The following EFCAB11 variants were observed in gnomAD, a reference collection of about 807,000 sequenced individuals.
The protein encoded by EFCAB11 is EF-hand calcium-binding domain-containing protein 11.
EFCAB11 carries 14 observed loss-of-function variants against 23.0 expected under a neutral mutation model. That is an observed-to-expected ratio of 0.61 (90% confidence interval 0.40 to 0.95). The LOEUF (loss-of-function observed/expected upper bound fraction) is 0.95, where lower values mean the gene tolerates loss of function less well. Ranked by LOEUF, EFCAB11 falls within the 40% of genes least tolerant of loss-of-function variation. The probability of loss-of-function intolerance (pLI) is 0.00; values close to 1 mark genes in which losing one functional copy is unlikely to be tolerated. For synonymous variants in EFCAB11, 65 were observed against 66.6 expected (o/e 0.98, Z 0.11); for missense variants, 198 against 195.8 (o/e 1.01, Z -0.07).
At chr14:89,894,028 G>A (rs924241514) in intron 5 of EFCAB11, among the ~76,000 whole-genome samples, 13 of 151,808 alleles carry the variant, frequency 8.6e-5, no homozygotes, top group Admixed American at 5.9e-4. Flanking sequence ...CGCCCAGGCT[G>A]GAGTGCAGTG....
intron 5 of EFCAB11, among the ~76,000 whole-genome samples, chr14:89,919,118 G>C (rs566697620): frequency 1.3e-5 from 2 of 151,984 alleles, no homozygotes; most frequent in Non-Finnish European, 2.9e-5. Context: ...GGCACCAGGG[G>C]ATCTAAGCAA....
intron 5 of EFCAB11, among the ~76,000 whole-genome samples, chr14:89,927,171 C>CT (rs1240534788): frequency 1.3e-5 from 2 of 152,110 alleles, no homozygotes; most frequent in Non-Finnish European, 2.9e-5. Context: ...GTCCAAGTCT[C>CT]TTTCTTTGGA....
At chr14:89,857,309 G>T (rs1213379036) in intron 5 of EFCAB11, among the ~76,000 whole-genome samples, 1 of 152,210 alleles carries the variant, frequency 6.6e-6, no homozygotes, top group African/African-American at 2.4e-5. Context: ...CCAGTCAAGT[G>T]GCAAACAGAT....
intron 5 of EFCAB11, among the ~76,000 whole-genome samples, chr14:89,841,286 C>T (rs1887255232): frequency 6.6e-6 from 1 of 152,082 alleles, no homozygotes; most frequent in Admixed American, 6.6e-5. Context: ...CTGGAACACC[C>T]CATTCTAACA....
chr14:89,854,902 G>T (rs1337730890), intron 5 of EFCAB11, among the ~76,000 whole-genome samples: 1 of 152,150 alleles, frequency 6.6e-6, no homozygotes, highest in Non-Finnish European at 1.5e-5. Context: ...TTGCATTGGG[G>T]CCTCTTAAGA....
At chr14:89,848,388 G>A (rs1038766764) in intron 5 of EFCAB11, 4 of 152,076 alleles carry the variant, frequency 2.6e-5, no homozygotes, top group Admixed American at 1.3e-4. Flanking sequence ...GTGTGCTGCA[G>A]AACTGGCTTG....
At chr14:89,856,507 T>G (rs915289981) in intron 5 of EFCAB11, among the ~76,000 whole-genome samples, 3 of 152,136 alleles carry the variant, frequency 2.0e-5, no homozygotes, top group African/African-American at 7.2e-5. Context: ...TCTTTAGAAA[T>G]CTCCATACTG....
At chr14:89,934,672 T>C (rs1009594256) in intron 3 of EFCAB11, among the ~76,000 whole-genome samples, 1 of 152,148 alleles carries the variant, frequency 6.6e-6, no homozygotes, top group East Asian at 1.9e-4. Flanking sequence ...TTGTGGGGAA[T>C]ACATATTGAT....
At chr14:89,822,180 G>T (rs1199401493) in intron 5 of EFCAB11, among the ~76,000 whole-genome samples, 3 of 152,114 alleles carry the variant, frequency 2.0e-5, no homozygotes, top group East Asian at 3.8e-4. Context: ...AACACTAACT[G>T]CACCTAAAGC....
chr14:89,818,809 C>T (rs535605446), intron 5 of EFCAB11, among the ~76,000 whole-genome samples: 2 of 152,258 alleles, frequency 1.3e-5, no homozygotes, highest in East Asian at 3.9e-4. Context: ...AAAATACTGA[C>T]TGAAACAACA....
rs565938004 is a variant in EFCAB11 at position 89,858,210 on chromosome 14, A to T, written c.411-60886T>A. ...CTCAAGCTGCCCTGATGACAGGGCC[A>T]TGTGGTAAGAAACTGAGGCCTCCTG... On this transcript the variant is annotated intron_variant, in intron 5 of 5. Transcript: ENST00000316738. Among the ~76,000 whole-genome samples, 8 of 152,336 alleles carry T rather than the reference A, an allele frequency of 5.3e-5. No homozygotes were observed. In the South Asian group the frequency reaches 1.7e-3, roughly 32 times the overall value.
chr14:89,923,521 A>C, intron 5 of EFCAB11: 1 of 227,446 alleles, frequency 4.4e-6, no homozygotes, highest in Non-Finnish European at 7.3e-6. Context: ...ATGAAATAAA[A>C]GTTGGGACCT....
At chr14:89,851,987 A>G (rs188310880) in intron 5 of EFCAB11, among the ~76,000 whole-genome samples, 1 of 152,352 alleles carries the variant, frequency 6.6e-6, no homozygotes, top group African/African-American at 2.4e-5. Context: ...TTGGAAATTT[A>G]AAAAGAAAAC....
rs887397694 is a variant in EFCAB11, at chr14:89,797,161, C to T, written c.*82G>A. ...TAAATGTTTAATCACAAGTCTGTAG[C>T]ATGACATCATTAGTAGAGTCGAGTC... On this transcript the variant is annotated 3_prime_UTR_variant, in exon 6 of 6. Transcript: ENST00000316738. 4 of 1,324,418 alleles carry T rather than the reference C, an allele frequency of 3.0e-6. No homozygotes were observed. The highest frequency in any genetic ancestry group is 4.2e-6 in the Non-Finnish European group (4 of 946,124). 82.0% of individuals were successfully genotyped at this position (1,324,418 alleles called of 1,614,324 possible). A position where few individuals can be genotyped will look rare whatever the true frequency, so the allele number is the denominator to read the frequency against.
chr14:89,797,193 CAT>C lies in EFCAB11; in HGVS notation c.*48_*49del, dbSNP rs755261436. Reference sequence around the variant, plus strand: ...TCATTAGTAGAGTCGAGTCTGCTGACATTACAATCTATTGATCTCCCCAGAGT... The same window carrying C: ...TCATTAGTAGAGTCGAGTCTGCTGACTACAATCTATTGATCTCCCCAGAGT... On this transcript the variant is annotated 3_prime_UTR_variant, in exon 6 of 6. Coordinates refer to ENST00000316738, the MANE Select transcript of EFCAB11 (RefSeq NM_145231.4). 1.5e-5 allele frequency: 23 copies of C among 1,507,526 alleles called. No individual in the cohort carries two copies. In the Admixed American group the frequency reaches 2.1e-4, roughly 14 times the overall value. The allele number at this position is 1,507,526 out of a possible 1,614,324, so 93.4% of individuals were successfully genotyped here. A position where few individuals can be genotyped will look rare whatever the true frequency, so the allele number is the denominator to read the frequency against.
At chr14:89,938,606 A>G (rs1890674899) in intron 3 of EFCAB11, among the ~76,000 whole-genome samples, 1 of 152,150 alleles carries the variant, frequency 6.6e-6, no homozygotes, top group African/African-American at 2.4e-5. Context: ...GTTTTACTAT[A>G]TAATTGGAGG....
chr14:89,952,160 G>T (rs930165379), intron 2 of EFCAB11, among the ~76,000 whole-genome samples: 2 of 152,144 alleles, frequency 1.3e-5, no homozygotes, highest in African/African-American at 4.8e-5. Flanking sequence ...AAGTTTATAG[G>T]TGACATGCTA....
rs1351652573 is a variant in EFCAB11, at chr14:89,953,953, CCT to C, written c.122_123del (p.Glu41GlyfsTer3). The C allele has an allele frequency of 6.2e-7, 1 of 1,613,662 alleles. No individual in the cohort carries two copies. Among genetic ancestry groups the C allele is most frequent in the Non-Finnish European group, 8.5e-7 (1 of 1,180,000 alleles). ...AGCATTACAACAGCAGTTTTAAAGTCCTCTCTGCTGAGATATCCTTTGTGATC... is the reference window on the plus strand; with the variant it reads ...AGCATTACAACAGCAGTTTTAAAGTCCTCTGCTGAGATATCCTTTGTGATC... ...DEDHKGYLSR[E>X]DFKTAVVMLF... On this transcript the variant is annotated frameshift_variant, in exon 2 of 6. Coordinates refer to ENST00000316738, the MANE Select transcript of EFCAB11 (RefSeq NM_145231.4). LOFTEE classifies it high-confidence loss of function.
intron 5 of EFCAB11, among the ~76,000 whole-genome samples, chr14:89,907,546 T>C (rs1889537123): frequency 6.6e-6 from 1 of 152,210 alleles, no homozygotes; most frequent in Non-Finnish European, 1.5e-5. Flanking sequence ...GTTATGGTCA[T>C]AGATTATATA....
Sources: gnomAD v4.1 joint callset for allele counts (sites outside exome capture counted in the v4.1 genomes callset) on GRCh38, gnomAD v4.1.1 for gene constraint, MANE v1.5 for transcripts, NCBI Gene and HGNC (gene_info 2026-07-23, HGNC 2026-07-21) for gene names.